ANKRD26: variants seen among roughly 807,000 people sequenced by gnomAD.
ANKRD26 encodes the protein ankyrin repeat domain-containing protein 26.
In ANKRD26, 141 loss-of-function variants were observed where a neutral mutation model predicts 208.7. The ratio of observed to expected loss-of-function variants is 0.68; its 90% CI spans 0.59 to 0.78. The LOEUF is 0.78. Among genes scored for constraint, ANKRD26 ranks in the 30% least tolerant of loss-of-function variants. The pLI is 0.00. For missense variants in ANKRD26, 1,889 were observed against 1,938.7 expected (o/e 0.97, Z 0.48); for synonymous variants, 636 against 660.4 (o/e 0.96, Z 0.57).
intron 5 of ANKRD26, among the ~76,000 whole-genome samples, chr10:27,083,943 A>G (rs2056019223): frequency 6.6e-6 from 1 of 151,942 alleles, no homozygotes; most frequent in South Asian, 2.1e-4. Flanking sequence ...GGCCGGGTGC[A>G]GTGGCCCATG....
In ANKRD26 at chr10:27,061,144, C is replaced by A; in HGVS notation, c.1462G>T (p.Glu488Ter). The change falls in exon 13 of 34, where the codon GAG becomes TAG. Residue 488 changes from glutamate to a stop codon, truncating the protein, a stop_gained and splice_region_variant. Transcript: ENST00000376087. LOFTEE classifies it high-confidence loss of function. ...RNVGMPVAHMESPERYLHLKP... is the reference protein window; with the variant it reads ...RNVGMPVAHM The stretch of plus-strand genomic sequence containing the variant: ...AAAAATACGCATTTTTTTTCCATAC[C>A]CATGTGGGCTACTGGCATGCCTACA... 1.3e-6 allele frequency: 2 copies of A among 1,599,816 alleles called. No individual in the cohort carries two copies. The highest frequency in any genetic ancestry group is 1.7e-6 in the Non-Finnish European group (2 of 1,167,442).
intron 30 of ANKRD26, among the ~76,000 whole-genome samples, chr10:27,017,042 A>G (rs1027168073): frequency 6.6e-6 from 1 of 152,176 alleles, no homozygotes; most frequent in African/African-American, 2.4e-5. Flanking sequence ...AAGAATTAAA[A>G]ATTTAGCCAG....
chr10:27,058,733 G>A (rs2054931649), intron 15 of ANKRD26, among the ~76,000 whole-genome samples: 1 of 151,288 alleles, frequency 6.6e-6, no homozygotes, highest in Non-Finnish European at 1.5e-5. Flanking sequence ...GTGCCACCAT[G>A]CCCAGCTAAT....
chr10:26,994,643 T>C (rs898640310), intron 5 of ANKRD26, among the ~76,000 whole-genome samples: 7 of 152,226 alleles, frequency 4.6e-5, no homozygotes, highest in African/African-American at 1.7e-4. Flanking sequence ...CATCAGCAGA[T>C]TGGTTACCCT....
chr10:27,035,754 T>C lies in ANKRD26; in HGVS notation c.2698-2A>G, dbSNP rs757747401. On this transcript the variant is annotated splice_acceptor_variant, in intron 23 of 33. Coordinates refer to ENST00000376087, the MANE Select transcript of ANKRD26 (RefSeq NM_014915.3). LOFTEE classifies it high-confidence loss of function. ...TTCTTCTTCATGACTATGAGAATTCTAAGTAAAACAAAGGAAACTTTGAGC... is the reference window on the plus strand; with the variant it reads ...TTCTTCTTCATGACTATGAGAATTCCAAGTAAAACAAAGGAAACTTTGAGC... 6.3e-7 allele frequency: 1 copy of C among 1,597,154 alleles called. No individual in the cohort carries two copies. Among genetic ancestry groups the C allele is most frequent in the Admixed American group, 1.7e-5 (1 of 58,806 alleles).
At chr10:27,017,853 T>C (rs1001748851) in intron 29 of ANKRD26, 61 bp from the exon 30 acceptor site, 7 of 1,481,112 alleles carry the variant, frequency 4.7e-6, no homozygotes, top group Non-Finnish European at 6.4e-6. Context: ...TAGCCTAACA[T>C]AAAACCAAGA....
At chr10:26,986,365 A>T (rs1263213990) in intron 3 of ANKRD26, among the ~76,000 whole-genome samples, 1 of 152,206 alleles carries the variant, frequency 6.6e-6, no homozygotes, top group Non-Finnish European at 1.5e-5. Context: ...GGACATAGGC[A>T]TGGGCAAGGA....
rs911050121 is a variant in ANKRD26, at chr10:27,009,113, A to G, written c.4954-2151T>C. Among the ~76,000 whole-genome samples the G allele has an allele frequency of 2.6e-5, 4 of 152,178 alleles. No homozygotes were observed. In the East Asian group the frequency reaches 5.8e-4, roughly 22 times the overall value. On this transcript the variant is annotated intron_variant, in intron 32 of 33. Coordinates refer to ENST00000376087, the MANE Select transcript of ANKRD26 (RefSeq NM_014915.3). Reference sequence around the variant, plus strand: ...CTGGGCCTCCCAAAGTGCTGGGATTACAGGCAGGAGCCACCATGCCTGGCC... The same window carrying G: ...CTGGGCCTCCCAAAGTGCTGGGATTGCAGGCAGGAGCCACCATGCCTGGCC...
chr10:27,036,767 C>T (rs2054058797), intron 23 of ANKRD26, among the ~76,000 whole-genome samples: 1 of 152,074 alleles, frequency 6.6e-6, no homozygotes, highest in Non-Finnish European at 1.5e-5. Context: ...CAAAATATGT[C>T]ACTGAACTGG....
At chr10:26,948,161 C>T in the ANKRD26 span, among the ~76,000 whole-genome samples, 2 of 152,196 alleles carry the variant, frequency 1.3e-5, no homozygotes, top group Non-Finnish European at 2.9e-5. Flanking sequence ...GGCTGGTCTT[C>T]AACTCCTGAC....
At position 27,014,644 on chromosome 10, in the gene ANKRD26, T is replaced by C. The variant is rs780431929; in HGVS notation, c.4574A>G (p.Gln1525Arg). 1.2e-6 allele frequency: 2 copies of C among 1,613,274 alleles called. No individual in the cohort carries two copies. The highest frequency in any genetic ancestry group is 1.1e-5 in the South Asian group (1 of 91,006). The stretch of plus-strand genomic sequence containing the variant: ...CAGATCTTTAATTCTGAGTTCCATC[T>C]GACTTTTCATTGAAGCAAAATTATT... ...RENNFASMKSQMELRIKDLES... is the reference protein window; with the variant it reads ...RENNFASMKSRMELRIKDLES... The change falls in exon 31 of 34, where the codon CAG becomes CGG. Residue 1525 changes from glutamine (Q) to arginine (R), a missense_variant. By Grantham distance (43) the Gln-to-Arg change is conservative. This residue lies in a region of ANKRD26 where 613 missense variants were observed against 648.2 expected (regional missense o/e 0.95). Coordinates refer to ENST00000376087, the MANE Select transcript of ANKRD26 (RefSeq NM_014915.3).
At chr10:27,033,156 G>A (rs2053933318) in intron 25 of ANKRD26, 69 bp downstream of exon 25, 7 of 1,206,564 alleles carry the variant, frequency 5.8e-6, no homozygotes, top group African/African-American at 1.5e-5. Flanking sequence ...CACTAAATTA[G>A]TATGATAAAA....
At chr10:27,099,983 G>C in intron 1 of ANKRD26, 102 bp downstream of exon 1, 1 of 1,579,090 alleles carries the variant, frequency 6.3e-7, no homozygotes, top group East Asian at 2.2e-5. Flanking sequence ...TACGGAGCCC[G>C]CGGGAGGCTG....
intron 7 of ANKRD26, among the ~76,000 whole-genome samples, chr10:27,078,080 T>C (rs543614728): frequency 1.3e-5 from 2 of 152,314 alleles, no homozygotes; most frequent in South Asian, 4.1e-4. Context: ...TGTGTATGCA[T>C]GATTTATATT....
chr10:27,038,143 T>C, intron 21 of ANKRD26, 89 bp from the exon 22 acceptor site: 1 of 997,090 alleles, frequency 1.0e-6, no homozygotes, highest in South Asian at 1.5e-5. Context: ...GTTGGTTTAT[T>C]ACCCTAATAC....
At chr10:26,975,101 G>A (rs1326311527) in exon 6 of ANKRD26, among the ~76,000 whole-genome samples, 3 of 152,100 alleles carry the variant, frequency 2.0e-5, no homozygotes, top group African/African-American at 7.2e-5. Flanking sequence ...GCTAGGGCAT[G>A]GTTTTAACTA....
At chr10:27,011,800 A>G (rs1361058983) in intron 32 of ANKRD26, among the ~76,000 whole-genome samples, 1 of 152,232 alleles carries the variant, frequency 6.6e-6, no homozygotes, top group Non-Finnish European at 1.5e-5. Context: ...TTGTTTGATC[A>G]TACTTACTAA....
chr10:27,063,317 A>G (rs1469543512), intron 12 of ANKRD26, among the ~76,000 whole-genome samples: 2 of 151,392 alleles, frequency 1.3e-5, no homozygotes, highest in Non-Finnish European at 2.9e-5. Context: ...ATTTTATTTT[A>G]TTTTTTAATT....
At chr10:26,964,874 T>C in the ANKRD26 span, among the ~76,000 whole-genome samples, 2 of 152,322 alleles carry the variant, frequency 1.3e-5, no homozygotes, top group East Asian at 3.9e-4. Flanking sequence ...ATTATTAATA[T>C]CTCTAGCTCA....
Sources: allele counts gnomAD v4.1 joint callset (sites outside exome capture counted in the v4.1 genomes callset), GRCh38; gene constraint gnomAD v4.1.1; regional missense constraint gnomAD v4.1.1; transcripts MANE v1.5; gene names NCBI Gene and HGNC (gene_info 2026-07-23, HGNC 2026-07-21).